Variants in NEB observed in about 807,000 individuals in gnomAD.
The protein encoded by NEB is nebulin.
In NEB, 512 loss-of-function variants were observed where a neutral mutation model predicts 952.2. The ratio of observed to expected loss-of-function variants is 0.54; its 90% CI spans 0.50 to 0.58. The LOEUF is 0.58. Among genes scored for constraint, NEB ranks in the 20% least tolerant of loss-of-function variants. The probability of loss-of-function intolerance (pLI) is 0.00; values close to 1 mark genes in which losing one functional copy is unlikely to be tolerated. For missense variants in NEB, 8,428 were observed against 9,231.1 expected, an observed-to-expected ratio of 0.91 and a Z score of 3.56; for synonymous variants, 2,900 against 3,149.8, an observed-to-expected ratio of 0.92 and a Z score of 2.66.
chr2:151,658,697 C>G (rs960035339), intron 47 of NEB, among the ~76,000 whole-genome samples: 4 of 152,194 alleles, frequency 2.6e-5, no homozygotes, highest in Non-Finnish European at 5.9e-5. Flanking sequence ...TTAACCCCTT[C>G]TTTAGAACCA....
At position 151,498,252 on chromosome 2, in the gene NEB, C is replaced by CA; in HGVS notation, c.24207+7dup. ...AGTGGCATTTTTTCCCCTTTCTTTCCAAAATACCGAGCTAAGGTTTTCTTG... is the reference window on the plus strand; with the variant it reads ...AGTGGCATTTTTTCCCCTTTCTTTCCAAAAATACCGAGCTAAGGTTTTCTTG... On this transcript the variant is annotated splice_region_variant and intron_variant, in intron 170 of 181. Transcript: ENST00000397345. 6.4e-7 allele frequency: 1 copy of CA among 1,551,100 alleles called. No homozygotes were observed. Among genetic ancestry groups the CA allele is most frequent in the Non-Finnish European group, 8.7e-7 (1 of 1,146,586 alleles).
At chr2:151,695,833 T>C (rs1271224606) in intron 17 of NEB, among the ~76,000 whole-genome samples, 151 bp from the exon 18 acceptor site, 2 of 152,232 alleles carry the variant, frequency 1.3e-5, no homozygotes, top group Admixed American at 1.3e-4. Context: ...ACTGATCCTG[T>C]GTGCAGGACA....
chr2:151,501,349 A>ATTAT (rs1413997875), intron 168 of NEB, 42 bp downstream of exon 168: 3 of 1,286,826 alleles, frequency 2.3e-6, no homozygotes, highest in South Asian at 2.6e-5. Flanking sequence ...TGTAGAAATT[A>ATTAT]TTATTTTTTA....
rs2153217324 is a variant in NEB, at chr2:151,507,988, A to T, written c.23451+17T>A. On this transcript the variant is annotated intron_variant, in intron 162 of 181. Coordinates refer to ENST00000397345, the MANE Select transcript of NEB (RefSeq NM_001164508.2). Reference sequence around the variant, plus strand: ...TAGGTGCCTGTGGGCTGTGCCTTACATTTAATAAAAACTTACAAGGCTGAA... The same window carrying T: ...TAGGTGCCTGTGGGCTGTGCCTTACTTTTAATAAAAACTTACAAGGCTGAA... 6.3e-7 allele frequency: 1 copy of T among 1,576,948 alleles called. No homozygotes were observed. Among genetic ancestry groups the T allele is most frequent in the Non-Finnish European group, 8.7e-7 (1 of 1,154,468 alleles).
In NEB at chr2:151,612,716, T is replaced by C. The variant is rs541179237; in HGVS notation, c.11602-327A>G. ...ATTTGATGGTCCCTACCTCCTCTTATGGAAACTGTACTGGGTGAGAATACA... is the reference window on the plus strand; with the variant it reads ...ATTTGATGGTCCCTACCTCCTCTTACGGAAACTGTACTGGGTGAGAATACA... On this transcript the variant is annotated intron_variant, in intron 77 of 181. Transcript: ENST00000397345. 2.6e-5 allele frequency among the ~76,000 whole-genome samples: 4 copies of C among 152,352 alleles called. No individual in the cohort carries two copies. The East Asian group carries it at 5.8e-4, about 22-fold the overall frequency.
chr2:151,721,155 A>T (rs940424405), intron 9 of NEB, among the ~76,000 whole-genome samples: 3 of 152,070 alleles, frequency 2.0e-5, no homozygotes, highest in African/African-American at 7.2e-5. Context: ...CCTTTGCCCT[A>T]ATTATTACTA....
intron 4 of NEB, 86 bp from the exon 5 acceptor site, chr2:151,727,992 G>T: frequency 9.8e-7 from 1 of 1,021,448 alleles, no homozygotes; most frequent in Non-Finnish European, 1.5e-6. Context: ...CTAACTTCAA[G>T]TCAGATATAC....
chr2:151,595,325 A>C (rs1462305443), intron 92 of NEB, among the ~76,000 whole-genome samples: 2 of 151,312 alleles, frequency 1.3e-5, no homozygotes, highest in Admixed American at 1.3e-4. Flanking sequence ...ATCTCGGCTT[A>C]CTGCAAACCT....
intron 9 of NEB, 57 bp from the exon 10 acceptor site, chr2:151,717,577 T>C (rs2099762541): frequency 1.6e-6 from 2 of 1,287,640 alleles, no homozygotes; most frequent in Non-Finnish European, 2.2e-6. Flanking sequence ...TCATCTTTAT[T>C]TGAAGTCTTA....
chr2:151,657,757 G>A (rs1201842297), intron 48 of NEB, among the ~76,000 whole-genome samples: 5 of 152,184 alleles, frequency 3.3e-5, no homozygotes, highest in Admixed American at 6.5e-5. Context: ...AGTTTATCTA[G>A]ATCTCATGAG....
At position 151,659,112 on chromosome 2, in the gene NEB, T is replaced by C; in HGVS notation, c.6028A>G (p.Ile2010Val). 2 of 1,613,160 alleles carry C rather than the reference T, an allele frequency of 1.2e-6. No individual in the cohort carries two copies. Among genetic ancestry groups the C allele is most frequent in the Non-Finnish European group, 8.5e-7 (1 of 1,179,214 alleles). Residue 2010 changes from isoleucine to valine, a missense_variant, in exon 47 of 182, where the codon ATC (isoleucine) becomes GTC (valine). Physicochemically the swap from Ile to Val is conservative, Grantham distance 29 (BLOSUM62 3). Around this residue, in one of 11 missense-constraint regions of NEB, gnomAD observed 2,851 missense variants for 2,791.5 expected, o/e 1.02. Coordinates refer to ENST00000397345, the MANE Select transcript of NEB (RefSeq NM_001164508.2). The part of the protein sequence containing the change: ...DKTKVHIMPD[I>V]PQIILAKANA... ...GCCTTTGCCAAAATAATCTGGGGGA[T>C]ATCAGGCATGATGTGGACTTTGGTT... is the stretch of plus-strand genomic sequence containing the variant.
chr2:151,649,135 T>C (rs1012441924), intron 54 of NEB, among the ~76,000 whole-genome samples: 2 of 152,220 alleles, frequency 1.3e-5, no homozygotes, highest in African/African-American at 4.8e-5. Flanking sequence ...GGAAACATTT[T>C]GTACAAATTT....
At chr2:151,546,247 C>A (rs1297595280) in intron 134 of NEB, 98 bp downstream of exon 134, 2 of 945,994 alleles carry the variant, frequency 2.1e-6, no homozygotes. Context: ...TTAAAAGTAG[C>A]TGCAGGCTAA....
At position 151,680,032 on chromosome 2, in the gene NEB, A is replaced by G. The variant is rs759398891; in HGVS notation, c.3043-10T>C. The G allele has an allele frequency of 6.5e-7, 1 of 1,547,376 alleles. No individual in the cohort carries two copies. The highest frequency in any genetic ancestry group is 1.1e-5 in the South Asian group (1 of 89,018). ...TGGCTTTGTAAGCGATCTGAAAGAG[A>G]AAAAAATGCATAAACAAACAAATAA... On this transcript the variant is annotated splice_polypyrimidine_tract_variant and intron_variant, in intron 30 of 181. Transcript: ENST00000397345.
chr2:151,697,037 T>G (rs2099601781), intron 16 of NEB, 111 bp downstream of exon 16: 2 of 770,816 alleles, frequency 2.6e-6, no homozygotes, highest in Admixed American at 6.0e-5. Context: ...CTTCATTTCT[T>G]GCGATTGCCT....
chr2:151,719,886 CAAAAAAAAA>C (rs34116466), intron 9 of NEB, among the ~76,000 whole-genome samples: 24 of 103,618 alleles, frequency 2.3e-4, no homozygotes, highest in Non-Finnish European at 4.2e-4. Flanking sequence ...GACCCTGTCT[CAAAAAAAAA>C]AAAAAAAAAA....
chr2:151,657,965 C>T lies in NEB; in HGVS notation c.6183+18G>A, dbSNP rs926994403. The T allele has an allele frequency of 8.4e-6, 13 of 1,549,232 alleles. No individual in the cohort carries two copies. Among genetic ancestry groups the T allele is most frequent in the Admixed American group, 1.7e-5 (1 of 57,526 alleles). ...CCTTAGAAACCCCCAGCCAGGTGAC[C>T]GTTTCCTTTGGACTTACATCACTTG... is the stretch of plus-strand genomic sequence containing the variant. On this transcript the variant is annotated intron_variant, in intron 48 of 181. Coordinates refer to ENST00000397345, the MANE Select transcript of NEB (RefSeq NM_001164508.2).
intron 47 of NEB, among the ~76,000 whole-genome samples, chr2:151,658,719 T>C (rs2099113328): frequency 6.6e-6 from 1 of 152,210 alleles, no homozygotes; most frequent in African/African-American, 2.4e-5. Context: ...CTCAAAGGCT[T>C]GATGGAAGGG....
intron 45 of NEB, among the ~76,000 whole-genome samples, chr2:151,662,556 G>A (rs1050899541): frequency 1.3e-5 from 2 of 152,088 alleles, no homozygotes; most frequent in Non-Finnish European, 2.9e-5. Flanking sequence ...TTCCTTGCAT[G>A]ATAAATTAAA....
Sources: gnomAD v4.1 joint callset for allele counts (sites outside exome capture counted in the v4.1 genomes callset) on GRCh38, gnomAD v4.1.1 for gene constraint, gnomAD v4.1.1 regional missense constraint, MANE v1.5 for transcripts, NCBI Gene and HGNC (gene_info 2026-07-23, HGNC 2026-07-21) for gene names.